The following EDN1 variants were observed in gnomAD, a reference collection of about 807,000 sequenced individuals.
The protein encoded by EDN1 is endothelin-1.
Under a neutral mutation model 21.7 loss-of-function variants are expected in EDN1, and 11 were observed. The observed-to-expected ratio is 0.51, with a 90% CI of 0.32 to 0.84. EDN1 has a LOEUF of 0.84. Among genes scored for constraint, EDN1 ranks in the 40% least tolerant of loss-of-function variants. EDN1 has a pLI of 0.03. For synonymous variants in EDN1, 85 were observed against 90.6 expected, an observed-to-expected ratio of 0.94 and a Z score of 0.35; for missense variants, 244 against 262.3, an observed-to-expected ratio of 0.93 and a Z score of 0.48.
chr6:12,234,314 C>G, the EDN1 span, among the ~76,000 whole-genome samples: 3 of 152,172 alleles, frequency 2.0e-5, no homozygotes, highest in East Asian at 5.8e-4. Context: ...AGCAAGAACC[C>G]CCAAGGTGTC....
chr6:12,272,998 GCAGGAAAGACA>G, the EDN1 span, among the ~76,000 whole-genome samples: 31 of 152,296 alleles, frequency 2.0e-4, no homozygotes, highest in Admixed American at 1.8e-3. Context: ...GGGGATCTAG[GCAGGAAAGACA>G]CAGTCCCTCT....
chr6:12,288,574 G>T (rs1193624479), upstream of EDN1, among the ~76,000 whole-genome samples: 2 of 152,150 alleles, frequency 1.3e-5, no homozygotes, highest in Non-Finnish European at 2.9e-5. Context: ...GTGGGTGTGG[G>T]TGTGGGTGTG....
intron 1 of EDN1, among the ~76,000 whole-genome samples, chr6:12,291,190 G>A (rs1169023755): frequency 2.0e-5 from 3 of 151,256 alleles, no homozygotes; most frequent in African/African-American, 7.3e-5. Context: ...CACCTGCAGA[G>A]CAAAAGTCTG....
the EDN1 span, among the ~76,000 whole-genome samples, chr6:12,236,023 A>G: frequency 6.6e-6 from 1 of 152,208 alleles, no homozygotes; most frequent in African/African-American, 2.4e-5. Context: ...TTTCTTGTAT[A>G]CAAGATTTCA....
chr6:12,266,686 G>A, the EDN1 span, among the ~76,000 whole-genome samples: 1 of 152,186 alleles, frequency 6.6e-6, no homozygotes, highest in African/African-American at 2.4e-5. Flanking sequence ...ACTAAGCAGA[G>A]TCCTGATTGA....
intron 3 of EDN1, 40 bp downstream of exon 3, chr6:12,294,136 C>T: frequency 6.2e-7 from 1 of 1,614,008 alleles, no homozygotes; most frequent in Non-Finnish European, 8.5e-7. Context: ...AGTTTAACAG[C>T]CTCCTGAACT....
chr6:12,288,514 C>T (rs1762603388), upstream of EDN1, among the ~76,000 whole-genome samples: 1 of 123,248 alleles, frequency 8.1e-6, no homozygotes, highest in South Asian at 2.3e-4. Flanking sequence ...ACAGCGGAGG[C>T]CAGGGGCCCC....
At chr6:12,263,540 A>G in the EDN1 span, among the ~76,000 whole-genome samples, 5 of 152,322 alleles carry the variant, frequency 3.3e-5, no homozygotes, top group East Asian at 9.6e-4. Context: ...GGGTTTGTAG[A>G]GAGACTTCTA....
chr6:12,241,166 CT>C, the EDN1 span, among the ~76,000 whole-genome samples: 199 of 138,292 alleles, frequency 1.4e-3, no homozygotes, highest in Middle Eastern at 3.7e-3. Context: ...TTCTTTCTTT[CT>C]TTTTTTTTTT....
At chr6:12,251,401 T>A in the EDN1 span, among the ~76,000 whole-genome samples, 1 of 152,214 alleles carries the variant, frequency 6.6e-6, no homozygotes, top group African/African-American at 2.4e-5. Context: ...CTCATCAAAC[T>A]TGAGGTGTCA....
chr6:12,285,862 A>C (rs1470565511), upstream of EDN1, among the ~76,000 whole-genome samples: 1 of 152,118 alleles, frequency 6.6e-6, no homozygotes, highest in Non-Finnish European at 1.5e-5. Context: ...GCCCAGCCAA[A>C]CATTTTTATT....
chr6:12,268,311 C>T, the EDN1 span, among the ~76,000 whole-genome samples: 1 of 152,132 alleles, frequency 6.6e-6, no homozygotes, highest in Non-Finnish European at 1.5e-5. Flanking sequence ...AAGGATTAAC[C>T]ATTCTAGATG....
At chr6:12,257,509 T>G in the EDN1 span, among the ~76,000 whole-genome samples, 1 of 152,184 alleles carries the variant, frequency 6.6e-6, no homozygotes, top group African/African-American at 2.4e-5. Flanking sequence ...AACAAAATAA[T>G]GAGTCTGGCT....
At chr6:12,266,299 G>T in the EDN1 span, among the ~76,000 whole-genome samples, 1 of 152,312 alleles carries the variant, frequency 6.6e-6, no homozygotes, top group East Asian at 1.9e-4. Flanking sequence ...CCTTGAAAGA[G>T]AAAAGAAGTG....
At chr6:12,258,954 A>T in the EDN1 span, among the ~76,000 whole-genome samples, 1 of 152,194 alleles carries the variant, frequency 6.6e-6, no homozygotes, top group South Asian at 2.1e-4. Flanking sequence ...CATCAAATTT[A>T]AAAAATTAAA....
the EDN1 span, among the ~76,000 whole-genome samples, chr6:12,266,173 G>A: frequency 6.6e-5 from 10 of 152,188 alleles, no homozygotes; most frequent in Admixed American, 3.3e-4. Flanking sequence ...AATTAATTAC[G>A]TGATTTTGTC....
the EDN1 span, among the ~76,000 whole-genome samples, chr6:12,285,304 G>T: frequency 6.6e-6 from 1 of 152,108 alleles, no homozygotes; most frequent in South Asian, 2.1e-4. Flanking sequence ...GGAGGTATCC[G>T]TTAAAAACTT....
the EDN1 span, among the ~76,000 whole-genome samples, chr6:12,263,634 AT>A: frequency 6.6e-6 from 1 of 152,212 alleles, no homozygotes; most frequent in Admixed American, 6.5e-5. Context: ...CTTGGATGTT[AT>A]TGATACTTGG....
At chr6:12,263,075 A>G in the EDN1 span, among the ~76,000 whole-genome samples, 1 of 152,204 alleles carries the variant, frequency 6.6e-6, no homozygotes, top group Non-Finnish European at 1.5e-5. Flanking sequence ...ATAACTGTGA[A>G]GACAGCTCTA....
Sources: gnomAD v4.1 joint callset for allele counts (sites outside exome capture counted in the v4.1 genomes callset) on GRCh38, gnomAD v4.1.1 for gene constraint, MANE v1.5 for transcripts, NCBI Gene and HGNC (gene_info 2026-07-23, HGNC 2026-07-21) for gene names.